The following CSTF3 variants were observed in gnomAD, a reference collection of about 807,000 sequenced individuals.
CSTF3 encodes the protein CF-1 77 kDa subunit.
Under a neutral mutation model 105.8 loss-of-function variants are expected in CSTF3, and 29 were observed. The observed-to-expected ratio is 0.27, with a 90% CI of 0.20 to 0.37. The LOEUF (loss-of-function observed/expected upper bound fraction) is 0.37. Ranked by LOEUF, CSTF3 falls within the 10% of genes least tolerant of loss-of-function variation. CSTF3 has a pLI of 1.00. For synonymous variants in CSTF3, 252 were observed against 281.9 expected (o/e 0.89, Z 1.06); for missense variants, 357 against 879.3 (o/e 0.41, Z 7.51).
In CSTF3 at chr11:33,096,856, G is replaced by A. The variant is rs1855227676; in HGVS notation, c.1251C>T (p.Leu417=). ...TRHHVYVTAA[L]MEYYCSKDKS... ...TTACCTTACTACAGTAATATTCCAT[G>A]AGTGCTGCAGTAACATAGACATGGT... Residue 417 remains leucine (L), a synonymous_variant, in exon 14 of 21, where the codon CTC becomes CTT. Coordinates refer to ENST00000323959, the MANE Select transcript of CSTF3 (RefSeq NM_001326.3). The A allele has an allele frequency of 6.2e-7, 1 of 1,613,102 alleles. No individual in the cohort carries two copies. The highest frequency in any genetic ancestry group is 1.1e-5 in the South Asian group (1 of 90,946).
chr11:33,159,366 T>A (rs935126568), intron 1 of CSTF3, among the ~76,000 whole-genome samples: 1 of 151,702 alleles, frequency 6.6e-6, no homozygotes, highest in South Asian at 2.1e-4. Flanking sequence ...AAGGCAGAGG[T>A]AGGCGGATCA....
chr11:33,110,180 C>T (rs1855365834), intron 3 of CSTF3, among the ~76,000 whole-genome samples: 1 of 152,190 alleles, frequency 6.6e-6, no homozygotes, highest in Admixed American at 6.5e-5. Flanking sequence ...CCTGCCTATT[C>T]ACTGAAGCTG....
At chr11:33,095,421 G>A (rs1855209788) in intron 15 of CSTF3, among the ~76,000 whole-genome samples, 1 of 152,136 alleles carries the variant, frequency 6.6e-6, no homozygotes, top group South Asian at 2.1e-4. Context: ...GTGCACTGTT[G>A]TTAACTAGAC....
intron 3 of CSTF3, among the ~76,000 whole-genome samples, chr11:33,114,816 A>G (rs991273962): frequency 1.3e-5 from 2 of 152,008 alleles, no homozygotes; most frequent in Non-Finnish European, 2.9e-5. Flanking sequence ...GCACCATTGC[A>G]CTCCAGCCTG....
At chr11:33,123,176 T>C (rs202207824) in intron 3 of CSTF3, among the ~76,000 whole-genome samples, 3 of 151,358 alleles carry the variant, frequency 2.0e-5, no homozygotes, top group East Asian at 1.9e-4. Flanking sequence ...TAATGTGCTC[T>C]TGTAAAGATG....
intron 3 of CSTF3, among the ~76,000 whole-genome samples, chr11:33,134,081 GAA>G (rs919994445): frequency 5.3e-5 from 8 of 151,752 alleles, no homozygotes; most frequent in Admixed American, 5.3e-4. Flanking sequence ...CTATAGTTCG[GAA>G]AAAAAAGATT....
intron 1 of CSTF3, among the ~76,000 whole-genome samples, chr11:33,148,145 TG>T (rs1180076539): frequency 6.6e-6 from 1 of 152,188 alleles, no homozygotes; most frequent in Non-Finnish European, 1.5e-5. Flanking sequence ...AGAGACCAAC[TG>T]AAGAGCATAG....
intron 3 of CSTF3, among the ~76,000 whole-genome samples, chr11:33,136,728 T>C (rs1855657305): frequency 6.6e-6 from 1 of 151,902 alleles, no homozygotes; most frequent in Non-Finnish European, 1.5e-5. Context: ...CTCTGTGATA[T>C]TATGAGGGGC....
At chr11:33,134,064 C>T (rs1855627564) in intron 3 of CSTF3, among the ~76,000 whole-genome samples, 1 of 152,098 alleles carries the variant, frequency 6.6e-6, no homozygotes, top group African/African-American at 2.4e-5. Context: ...ATATTCAATG[C>T]AATCTCCTAT....
At chr11:33,085,801 C>T (rs1855099063) in intron 19 of CSTF3, 28 bp from the exon 20 acceptor site, 5 of 1,606,208 alleles carry the variant, frequency 3.1e-6, no homozygotes, top group Non-Finnish European at 4.3e-6. Flanking sequence ...AAATTTTAAT[C>T]CCAGTAATCT....
At chr11:33,144,338 T>C (rs1261840619) in intron 1 of CSTF3, among the ~76,000 whole-genome samples, 5 of 152,164 alleles carry the variant, frequency 3.3e-5, no homozygotes, top group Middle Eastern at 3.2e-3. Context: ...AAATTAAAAT[T>C]AGGATGCTTT....
intron 17 of CSTF3, 87 bp from the exon 18 acceptor site, chr11:33,087,228 A>C (rs1855115604): frequency 9.4e-6 from 13 of 1,388,688 alleles, no homozygotes; most frequent in Admixed American, 2.0e-5. Context: ...TACAGTGTGA[A>C]TATCTGGGTC....
chr11:33,129,826 G>A (rs1798461564), intron 3 of CSTF3, among the ~76,000 whole-genome samples: 1 of 152,112 alleles, frequency 6.6e-6, no homozygotes, highest in Non-Finnish European at 1.5e-5. Context: ...TTCAATTGTG[G>A]GATGCTTAGA....
intron 16 of CSTF3, among the ~76,000 whole-genome samples, chr11:33,091,855 A>C (rs1855172483): frequency 6.6e-6 from 1 of 152,072 alleles, no homozygotes; most frequent in Non-Finnish European, 1.5e-5. Flanking sequence ...CTGGGACTAC[A>C]GGCATGCACC....
intron 3 of CSTF3, among the ~76,000 whole-genome samples, chr11:33,115,590 A>G (rs1590271667): frequency 1.7e-4 from 2 of 11,818 alleles, no homozygotes. Flanking sequence ...ACTATGTGTG[A>G]CAAATAATTA....
At chr11:33,138,594 CAT>C (rs1855678820) in intron 3 of CSTF3, among the ~76,000 whole-genome samples, 2 of 151,714 alleles carry the variant, frequency 1.3e-5, no homozygotes, top group South Asian at 4.1e-4. Context: ...TAGCTGGAGA[CAT>C]ATTTAAATGT....
intron 15 of CSTF3, 64 bp downstream of exon 15, chr11:33,096,242 C>CT (rs1855221859): frequency 8.8e-7 from 1 of 1,134,484 alleles, no homozygotes; most frequent in Non-Finnish European, 1.2e-6. Context: ...AGGAAGAAAT[C>CT]TAGCAACATA....
intron 12 of CSTF3, 49 bp from the exon 13 acceptor site, chr11:33,098,813 C>A: frequency 7.4e-7 from 1 of 1,357,206 alleles, no homozygotes; most frequent in East Asian, 2.5e-5. Flanking sequence ...CATAAATAAG[C>A]AGGATTTGAG....
At chr11:33,101,889 G>A (rs1237141856) in intron 10 of CSTF3, among the ~76,000 whole-genome samples, 1 of 151,268 alleles carries the variant, frequency 6.6e-6, no homozygotes, top group East Asian at 1.9e-4. Context: ...ACTAAGAAAT[G>A]GACACCATAA....
Sources: gnomAD v4.1 joint callset for allele counts (sites outside exome capture counted in the v4.1 genomes callset) on GRCh38, gnomAD v4.1.1 for gene constraint, MANE v1.5 for transcripts, NCBI Gene and HGNC (gene_info 2026-07-23, HGNC 2026-07-21) for gene names.